Variants in SKAP2 observed in about 807,000 individuals in gnomAD.
SKAP2 encodes the protein src kinase associated phosphoprotein 2, also known as src kinase-associated phosphoprotein 2.
A neutral mutation model predicts 54.9 loss-of-function variants in SKAP2; 28 were observed. The observed-to-expected ratio is 0.51, with a 90% CI of 0.38 to 0.70. The LOEUF (loss-of-function observed/expected upper bound fraction) is 0.70. Ranked by LOEUF, SKAP2 falls within the 30% of genes least tolerant of loss-of-function variation. The pLI is 0.00. For synonymous variants in SKAP2, 137 were observed against 134.3 expected (o/e 1.02, Z -0.14); for missense variants, 356 against 424.1 (o/e 0.84, Z 1.41).
chr7:26,754,358 C>T (rs917100590), intron 4 of SKAP2, among the ~76,000 whole-genome samples: 4 of 68,418 alleles, frequency 5.8e-5, no homozygotes, highest in South Asian at 9.7e-4. Context: ...AGTGAGACTC[C>T]GTCACACACA....
At chr7:26,717,509 C>CAAAAAA (rs58826714) in intron 9 of SKAP2, among the ~76,000 whole-genome samples, 569 of 23,120 alleles carry the variant, frequency 0.025, 130 homozygotes, top group East Asian at 0.051. Flanking sequence ...GACCCCATCT[C>CAAAAAA]AAAAAAAAAA....
At chr7:26,679,349 G>A (rs1786431423) in intron 11 of SKAP2, among the ~76,000 whole-genome samples, 1 of 152,196 alleles carries the variant, frequency 6.6e-6, no homozygotes, top group Admixed American at 6.5e-5. Flanking sequence ...AGTCCTATGA[G>A]TAGAACTAGA....
At chr7:26,814,744 A>T (rs1197112540) in intron 4 of SKAP2, among the ~76,000 whole-genome samples, 1 of 152,120 alleles carries the variant, frequency 6.6e-6, no homozygotes, top group Non-Finnish European at 1.5e-5. Flanking sequence ...GTTCTAAAAT[A>T]ACTACTTTAA....
At chr7:26,725,667 T>C (rs1562588449) in intron 8 of SKAP2, 102 bp from the exon 9 acceptor site, 1 of 1,133,916 alleles carries the variant, frequency 8.8e-7, no homozygotes, top group African/African-American at 1.6e-5. Context: ...AACAACAATA[T>C]TGTTATATGT....
the SKAP2 span, among the ~76,000 whole-genome samples, chr7:26,656,605 C>A: frequency 1.3e-5 from 2 of 152,054 alleles, no homozygotes; most frequent in African/African-American, 2.4e-5. Flanking sequence ...AAGAAACTAT[C>A]AAAAATATTA....
intron 4 of SKAP2, among the ~76,000 whole-genome samples, chr7:26,748,355 A>G (rs1164425047): frequency 6.6e-6 from 1 of 152,128 alleles, no homozygotes; most frequent in African/African-American, 2.4e-5. Flanking sequence ...GAATCTCTCA[A>G]TTATTTCCGG....
chr7:26,722,792 C>T (rs570932377), intron 9 of SKAP2, among the ~76,000 whole-genome samples: 4 of 152,252 alleles, frequency 2.6e-5, no homozygotes, highest in African/African-American at 9.6e-5. Flanking sequence ...TTAAAAAATA[C>T]ACTTATTAGA....
At chr7:26,748,399 T>C (rs1192258372) in intron 4 of SKAP2, among the ~76,000 whole-genome samples, 1 of 152,158 alleles carries the variant, frequency 6.6e-6, no homozygotes, top group African/African-American at 2.4e-5. Context: ...GAATCAATCA[T>C]TTAAAAGTAA....
At chr7:26,843,998 G>A in intron 4 of SKAP2, 32 bp downstream of exon 4, 1 of 1,285,002 alleles carries the variant, frequency 7.8e-7, no homozygotes, top group Middle Eastern at 1.8e-4. Context: ...TTTTGTGTGA[G>A]TGTCAGAGTT....
intron 4 of SKAP2, among the ~76,000 whole-genome samples, chr7:26,836,350 A>C (rs149948351): frequency 0.21 from 32,216 of 152,172 alleles, 3,495 homozygotes; most frequent in Non-Finnish European, 0.24. Flanking sequence ...AATGCAACCT[A>C]ATTAAACTAA....
intron 4 of SKAP2, among the ~76,000 whole-genome samples, chr7:26,821,833 C>T (rs1458109304): frequency 2.0e-5 from 3 of 152,174 alleles, no homozygotes; most frequent in Non-Finnish European, 2.9e-5. Flanking sequence ...TCCTACACTC[C>T]GGTTCTTCCC....
At chr7:26,683,909 A>G (rs1786570122) in intron 11 of SKAP2, among the ~76,000 whole-genome samples, 1 of 152,174 alleles carries the variant, frequency 6.6e-6, no homozygotes, top group Admixed American at 6.5e-5. Context: ...ACATTTTTCT[A>G]CTTATATTTC....
At position 26,667,563 on chromosome 7, in the gene SKAP2, T is replaced by G. The variant is rs573509239; in HGVS notation, c.*2103A>C. 2.8e-4 allele frequency: 42 copies of G among 152,528 alleles called. No individual in the cohort carries two copies. The highest frequency in any genetic ancestry group is 9.2e-4 in the African/African-American group (38 of 41,500). 9.4% of individuals were successfully genotyped at this position (152,528 alleles called of 1,614,324 possible). ...AGGCCGGTGGAGATCTGAACAGAAA[T>G]AACACCTTATTTCTGTATTGTCACT... On this transcript the variant is annotated 3_prime_UTR_variant, in exon 13 of 13. Coordinates refer to ENST00000345317, the MANE Select transcript of SKAP2 (RefSeq NM_003930.5).
intron 3 of SKAP2, among the ~76,000 whole-genome samples, chr7:26,849,266 AC>A (rs1442266569): frequency 3.3e-5 from 5 of 152,252 alleles, no homozygotes; most frequent in African/African-American, 1.2e-4. Context: ...TGCATATTTA[AC>A]AATATCAATA....
chr7:26,764,326 G>A (rs73683530), intron 4 of SKAP2, among the ~76,000 whole-genome samples: 531 of 152,112 alleles, frequency 3.5e-3, no homozygotes, highest in African/African-American at 0.012. Context: ...ATTCTCTATA[G>A]AAGAAGAAGA....
intron 9 of SKAP2, among the ~76,000 whole-genome samples, chr7:26,707,821 A>T (rs1787198324): frequency 6.6e-6 from 1 of 152,184 alleles, no homozygotes; most frequent in African/African-American, 2.4e-5. Context: ...CAAACCCCCA[A>T]GCCTGTCCAA....
At chr7:26,861,652 A>T (rs1423839890) in intron 1 of SKAP2, among the ~76,000 whole-genome samples, 237 of 139,916 alleles carry the variant, frequency 1.7e-3, no homozygotes, top group African/African-American at 5.9e-3. Flanking sequence ...TTTCTATGGA[A>T]TGGTTTTTAT....
At position 26,860,099 on chromosome 7, in the gene SKAP2, G is replaced by A. The variant is rs948241015; in HGVS notation, c.67+4264C>T. On this transcript the variant is annotated intron_variant, in intron 1 of 12. Transcript: ENST00000345317. The stretch of plus-strand genomic sequence containing the variant: ...CCCATTTGCAAATTTTTCATATAAT[G>A]CTAATTTTTTAATATGTTTAGATTC... Among the ~76,000 whole-genome samples the A allele has an allele frequency of 2.0e-5, 3 of 152,218 alleles. No homozygotes were observed. The East Asian group carries it at 5.8e-4, about 29-fold the overall frequency.
At chr7:26,832,936 C>A (rs946150513) in intron 4 of SKAP2, among the ~76,000 whole-genome samples, 14 of 152,300 alleles carry the variant, frequency 9.2e-5, no homozygotes, top group Admixed American at 9.2e-4. Flanking sequence ...TCCTCAAAAG[C>A]AGCTGGCAGT....
Sources: allele counts gnomAD v4.1 joint callset (sites outside exome capture counted in the v4.1 genomes callset), GRCh38; gene constraint gnomAD v4.1.1; transcripts MANE v1.5; gene names NCBI Gene and HGNC (gene_info 2026-07-23, HGNC 2026-07-21).